CNTRL: variants seen among roughly 807,000 people sequenced by gnomAD.
The protein encoded by CNTRL is 110 kDa centrosomal protein.
A neutral mutation model predicts 303.7 loss-of-function variants in CNTRL; 233 were observed. The ratio of observed to expected loss-of-function variants is 0.77; its 90% confidence interval spans 0.69 to 0.86. The LOEUF (loss-of-function observed/expected upper bound fraction) is 0.86, where lower values mean the gene tolerates loss of function less well. Ranked by LOEUF, CNTRL falls within the 40% of genes least tolerant of loss-of-function variation. CNTRL has a pLI of 0.00. For missense variants in CNTRL, 2,524 were observed against 2,650.6 expected, an observed-to-expected ratio of 0.95 and a Z score of 1.05; for synonymous variants, 900 against 922.2, an observed-to-expected ratio of 0.98 and a Z score of 0.44.
chr9:121,161,131 A>AGT (rs1464223133), intron 32 of CNTRL, among the ~76,000 whole-genome samples: 1 of 86,716 alleles, frequency 1.2e-5, no homozygotes, highest in Admixed American at 1.5e-4. Context: ...AAAATGTGTG[A>AGT]GAGTGTGTGT....
At chr9:121,163,368 A>G (rs1289516106) in intron 34 of CNTRL, among the ~76,000 whole-genome samples, 2 of 149,760 alleles carry the variant, frequency 1.3e-5, no homozygotes, top group African/African-American at 2.4e-5. Flanking sequence ...ATTTATATAT[A>G]GGACCATAAA....
chr9:121,113,929 T>C (rs1004156386), intron 10 of CNTRL, among the ~76,000 whole-genome samples: 2 of 152,196 alleles, frequency 1.3e-5, no homozygotes, highest in Non-Finnish European at 2.9e-5. Flanking sequence ...ATGGAGTTTT[T>C]GGCAGTAATT....
intron 14 of CNTRL, among the ~76,000 whole-genome samples, chr9:121,129,002 A>C (rs368803178): frequency 7.2e-5 from 11 of 152,046 alleles, no homozygotes; most frequent in Admixed American, 2.0e-4. Flanking sequence ...TGGTCTATAT[A>C]TCTGTTTTGG....
chr9:121,090,886 C>G (rs1342813361), intron 4 of CNTRL, among the ~76,000 whole-genome samples: 1 of 152,224 alleles, frequency 6.6e-6, no homozygotes, highest in African/African-American at 2.4e-5. Context: ...TTTAATTGGA[C>G]TTACAGTTTC....
At position 121,168,320 on chromosome 9, in the gene CNTRL, T is replaced by A; in HGVS notation, c.6069T>A (p.Thr2023=). 1 of 1,612,826 alleles carries A rather than the reference T, an allele frequency of 6.2e-7. No homozygotes were observed. The highest frequency in any genetic ancestry group is 1.7e-5 in the Admixed American group (1 of 60,010). ...CESLEKTLSQ[T]KRQLSEREQQ... ...GCCTGGAGAAGACACTCTCCCAAACTAGTATGTATTCTGGAACTTCTCACT... is the reference window on the plus strand; with the variant it reads ...GCCTGGAGAAGACACTCTCCCAAACAAGTATGTATTCTGGAACTTCTCACT... The change falls in exon 38 of 44, where the codon ACT becomes ACA. Residue 2023 remains threonine, a splice_region_variant and synonymous_variant. Coordinates refer to ENST00000373855, the MANE Select transcript of CNTRL (RefSeq NM_007018.6).
chr9:121,141,370 C>T lies in CNTRL; in HGVS notation c.2484-11C>T. The T allele has an allele frequency of 8.7e-6, 14 of 1,600,888 alleles. No homozygotes were observed. The highest frequency in any genetic ancestry group is 1.2e-5 in the Non-Finnish European group (14 of 1,169,202). On this transcript the variant is annotated splice_polypyrimidine_tract_variant and intron_variant, in intron 17 of 43. Coordinates refer to ENST00000373855, the MANE Select transcript of CNTRL (RefSeq NM_007018.6). ...TGTCACATTTATACCATTTTTCCCC[C>T]TCCTTACTAGCATCCATAGTCCTTC...
chr9:121,161,179 T>G (rs913262651), intron 32 of CNTRL: 8 of 398,170 alleles, frequency 2.0e-5, no homozygotes, highest in Non-Finnish European at 3.3e-5. Context: ...CATGCATTCT[T>G]AGAAGGAAAT....
chr9:121,171,690 T>C, intron 40 of CNTRL, 142 bp downstream of exon 40: 1 of 795,360 alleles, frequency 1.3e-6, no homozygotes, highest in Non-Finnish European at 1.8e-6. Context: ...AAATCTGGTT[T>C]TTTAGCCTTA....
chr9:121,142,355 T>C (rs2051566759), intron 19 of CNTRL, 85 bp downstream of exon 19: 7 of 1,209,756 alleles, frequency 5.8e-6, no homozygotes, highest in Non-Finnish European at 8.0e-6. Flanking sequence ...GAGATGGGTG[T>C]GATCTGTAGT....
At chr9:121,176,995 C>T (rs548936427) in intron 43 of CNTRL, among the ~76,000 whole-genome samples, 168 bp from the exon 44 acceptor site, 40 of 152,066 alleles carry the variant, frequency 2.6e-4, no homozygotes, top group African/African-American at 8.4e-4. Context: ...TAAGAATAAC[C>T]GTTTAATTTT....
At position 121,157,609 on chromosome 9, in the gene CNTRL, A is replaced by G. The variant is rs2052637402; in HGVS notation, c.4496+9A>G. 1 of 1,613,212 alleles carries G rather than the reference A, an allele frequency of 6.2e-7. No individual in the cohort carries two copies. The highest frequency in any genetic ancestry group is 1.1e-5 in the South Asian group (1 of 91,010). ...GCTGATCAGCAGCTAAGGTAGGTGG[A>G]TTCCCTAAGCCGTTGATGTATACAT... On this transcript the variant is annotated intron_variant, in intron 28 of 43. Coordinates refer to ENST00000373855, the MANE Select transcript of CNTRL (RefSeq NM_007018.6).
At chr9:121,110,291 G>A (rs2049689403) in intron 8 of CNTRL, among the ~76,000 whole-genome samples, 1 of 152,132 alleles carries the variant, frequency 6.6e-6, no homozygotes, top group East Asian at 1.9e-4. Context: ...TCACAGAATT[G>A]TGAGGATTTA....
At chr9:121,145,726 C>T (rs1397850612) in intron 22 of CNTRL, among the ~76,000 whole-genome samples, 3 of 151,900 alleles carry the variant, frequency 2.0e-5, no homozygotes, top group Non-Finnish European at 4.4e-5. Context: ...GACACCCTGT[C>T]TCTACTAAAA....
At chr9:121,164,717 C>T (rs1396470026) in intron 34 of CNTRL, among the ~76,000 whole-genome samples, 1 of 152,102 alleles carries the variant, frequency 6.6e-6, no homozygotes, top group Non-Finnish European at 1.5e-5. Context: ...TGTTTTTAAT[C>T]CATGATTTTT....
Position 121,088,499 on chromosome 9 carries a change from T to C in CNTRL, c.173T>C (p.Ile58Thr). The change falls in exon 3 of 44, where the codon ATT (isoleucine) becomes ACT (threonine). Residue 58 changes from isoleucine (I) to threonine (T), a missense_variant. By Grantham distance (89) the Ile-to-Thr change is moderately conservative (BLOSUM62 -1). Transcript: ENST00000373855. ...GGACAGTGGTGTGAGCAAGTTGAGATTGCAGATGAAAACAATATGCTTTTG... is the reference window on the plus strand; with the variant it reads ...GGACAGTGGTGTGAGCAAGTTGAGACTGCAGATGAAAACAATATGCTTTTG... Reference protein sequence around the residue: ...SGGQWCEQVEIADENNMLLDY... With the variant: ...SGGQWCEQVETADENNMLLDY... 1 of 1,612,386 alleles carries C rather than the reference T, an allele frequency of 6.2e-7. No individual in the cohort carries two copies.
At position 121,152,644 on chromosome 9, in the gene CNTRL, T is replaced by C; in HGVS notation, c.4123T>C (p.Cys1375Arg). 1 of 1,613,912 alleles carries C rather than the reference T, an allele frequency of 6.2e-7. No homozygotes were observed. The highest frequency in any genetic ancestry group is 8.5e-7 in the Non-Finnish European group (1 of 1,179,908). Reference protein sequence around the residue: ...DLLQEKKSLECEVEELHRTVQ... With the variant: ...DLLQEKKSLEREVEELHRTVQ... ...TTTGCAAGAGAAGAAAAGCTTAGAG[T>C]GTGAAGTAGAAGAATTACATAGAAC... Residue 1375 changes from cysteine to arginine, a missense_variant, in exon 26 of 44, where the codon TGT becomes CGT. By Grantham distance (180) the Cys-to-Arg change is radical. Transcript: ENST00000373855.
chr9:121,126,828 G>GT (rs1212558642), intron 14 of CNTRL, among the ~76,000 whole-genome samples: 4 of 92,082 alleles, frequency 4.3e-5, no homozygotes, highest in African/African-American at 5.5e-5. Context: ...TGTTTGTTTT[G>GT]GTTTTTTTTT....
chr9:121,125,554 T>C (rs1373433432), intron 13 of CNTRL, among the ~76,000 whole-genome samples, 162 bp from the exon 14 acceptor site: 1 of 152,180 alleles, frequency 6.6e-6, no homozygotes, highest in Non-Finnish European at 1.5e-5. Context: ...ACTCCTTTGC[T>C]ATCTATAATA....
At chr9:121,111,040 A>G (rs1048091929) in intron 8 of CNTRL, 1 of 152,062 alleles carries the variant, frequency 6.6e-6, no homozygotes, top group African/African-American at 2.4e-5. Flanking sequence ...GTTTGCCACT[A>G]TTGCCAATGA....
Sources: gnomAD v4.1 joint callset for allele counts (sites outside exome capture counted in the v4.1 genomes callset) on GRCh38, gnomAD v4.1.1 for gene constraint, MANE v1.5 for transcripts, NCBI Gene and HGNC (gene_info 2026-07-23, HGNC 2026-07-21) for gene names.